Variants in ZFP92 observed in about 807,000 individuals in gnomAD.
ZFP92 encodes the protein zinc finger protein 92 homolog.
In ZFP92, 2 loss-of-function variants were observed where a neutral mutation model predicts 7.6. That is an observed-to-expected ratio of 0.26 (90% confidence interval 0.11 to 0.83). The LOEUF (loss-of-function observed/expected upper bound fraction) is 0.83, where lower values mean the gene tolerates loss of function less well. Ranked by LOEUF, ZFP92 falls within the 40% of genes least tolerant of loss-of-function variation. ZFP92 has a pLI of 0.65. For synonymous variants in ZFP92, 226 were observed against 183.6 expected (o/e 1.23, Z -1.87); for missense variants, 324 against 408.3 (o/e 0.79, Z 1.78).
rs1203410247 is a variant in ZFP92, at chrX:153,424,489, T to G, written c.*2861T>G. 1 of 112,035 alleles carries G rather than the reference T, an allele frequency of 8.9e-6. No individual in the cohort carries two copies. The highest frequency in any genetic ancestry group is 1.9e-5 in the Non-Finnish European group (1 of 53,194). The allele number at this position is 112,035 out of a possible 1,213,427, so 9.2% of individuals were successfully genotyped here. ...CTTCAATGGTGCCTTGAAATTGGGC[T>G]CCCTCCCTCTTGCTGTGTGGGGAAC... On this transcript the variant is annotated 3_prime_UTR_variant, in exon 6 of 6. Transcript: ENST00000338647.
At chrX:153,419,633 C>T (rs1017415969) in intron 4 of ZFP92, among the ~76,000 whole-genome samples, 1 of 112,501 alleles carries the variant, frequency 8.9e-6, no homozygotes, top group South Asian at 3.7e-4. Context: ...TTCCCCTTGC[C>T]GCTGGAGGGG....
chrX:153,416,332 ATG>A (rs1346252075), intron 2 of ZFP92, among the ~76,000 whole-genome samples: 1 of 111,862 alleles, frequency 8.9e-6, no homozygotes, highest in African/African-American at 3.3e-5. Flanking sequence ...GCATTTTGAT[ATG>A]TGATACCCCT....
intron 2 of ZFP92, 38 bp from the exon 3 acceptor site, chrX:153,418,267 G>A: frequency 8.6e-7 from 1 of 1,164,060 alleles, no homozygotes; most frequent in Admixed American, 2.6e-5. Context: ...GCTCCAGGCT[G>A]CCCTGGGCTC....
At chrX:153,418,481 C>T (rs1556974289) in intron 3 of ZFP92, 126 bp downstream of exon 3, 9 of 996,088 alleles carry the variant, frequency 9.0e-6, no homozygotes, top group Admixed American at 6.4e-5. Context: ...TTTCCTGAGG[C>T]GCACAATCTG....
Position 153,421,226 on chromosome X carries a change from G to A in ZFP92, c.849G>A (p.Gln283=), listed in dbSNP as rs1556975047. The A allele has an allele frequency of 8.4e-7, 1 of 1,184,481 alleles. No homozygotes were observed. The highest frequency in any genetic ancestry group is 1.1e-6 in the Non-Finnish European group (1 of 881,932). Residue 283 remains glutamine, a synonymous_variant, in exon 6 of 6, where the codon CAG becomes CAA. Transcript: ENST00000338647. The part of the protein sequence containing the change: ...FSRSSNLIEH[Q]RTHRGEKPYA... ...GCAGCTCCAACCTCATCGAGCACCA[G>A]CGCACGCACCGCGGCGAGAAGCCCT...
rs1556976394 is a variant in ZFP92 at position 153,426,433 on chromosome X, C to T, written c.*4805C>T. 9.0e-6 allele frequency: 1 copy of T among 110,760 alleles called. No individual in the cohort carries two copies. Among genetic ancestry groups the T allele is most frequent in the Non-Finnish European group, 1.9e-5 (1 of 53,000 alleles). 9.1% of individuals were successfully genotyped at this position (110,760 alleles called of 1,213,427 possible). ...CTGTTGATGGACATTTGGGTTGTTA[C>T]CAGGTTTTGGCCATGACAAATAAAG... On this transcript the variant is annotated 3_prime_UTR_variant, in exon 6 of 6. Coordinates refer to ENST00000338647, the MANE Select transcript of ZFP92 (RefSeq NM_001136273.2).
In ZFP92 at chrX:153,424,923, T is replaced by C. The variant is rs2089032846; in HGVS notation, c.*3295T>C. 1 of 112,305 alleles carries C rather than the reference T, an allele frequency of 8.9e-6. No homozygotes were observed. Among genetic ancestry groups the C allele is most frequent in the Admixed American group, 9.4e-5 (1 of 10,669 alleles). The allele number at this position is 112,305 out of a possible 1,213,427, so 9.3% of individuals were successfully genotyped here. A position where few individuals can be genotyped will look rare whatever the true frequency, so the allele number is the denominator to read the frequency against. On this transcript the variant is annotated 3_prime_UTR_variant, in exon 6 of 6. Transcript: ENST00000338647. ...TACAGGAAAGGCTGTAAGCCTGAGA[T>C]TGTGGGGAATGGCCAGAGCTGGGCT...
At chrX:153,418,588 C>T (rs2088974103) in intron 3 of ZFP92, 85 bp from the exon 4 acceptor site, 4 of 1,123,986 alleles carry the variant, frequency 3.6e-6, no homozygotes, top group South Asian at 2.1e-5. Context: ...GGGCTCCCCC[C>T]GCCCCCCACA....
intron 2 of ZFP92, 51 bp from the exon 3 acceptor site, chrX:153,418,254 G>C (rs2088970259): frequency 8.7e-7 from 1 of 1,152,906 alleles, no homozygotes; most frequent in South Asian, 1.9e-5. Flanking sequence ...TCGCAGATTG[G>C]CTGCTCCAGG....
Position 153,421,101 on chromosome X carries a change from G to A in ZFP92, c.724G>A (p.Gly242Ser). 2 of 1,179,976 alleles carry A rather than the reference G, an allele frequency of 1.7e-6. No individual in the cohort carries two copies. The highest frequency in any genetic ancestry group is 1.8e-5 in the African/African-American group (1 of 56,893). ...GERPFACGDC[G>S]KLFRRSFALL... ...GCGGCCCTTCGCCTGCGGCGACTGC[G>A]GCAAACTGTTCCGCCGCAGCTTCGC... Residue 242 changes from glycine (G) to serine (S), a missense_variant, in exon 6 of 6, where the codon GGC becomes AGC. Coordinates refer to ENST00000338647, the MANE Select transcript of ZFP92 (RefSeq NM_001136273.2).
Position 153,426,304 on chromosome X carries a change from C to T in ZFP92, c.*4676C>T, listed in dbSNP as rs182053614. 1.8e-5 allele frequency: 2 copies of T among 111,098 alleles called. No homozygotes were observed. Among genetic ancestry groups the T allele is most frequent in the East Asian group, 5.7e-4 (2 of 3,522 alleles). 9.2% of individuals were successfully genotyped at this position (111,098 alleles called of 1,213,427 possible). A position where few individuals can be genotyped will look rare whatever the true frequency, so the allele number is the denominator to read the frequency against. On this transcript the variant is annotated 3_prime_UTR_variant, in exon 6 of 6. Coordinates refer to ENST00000338647, the MANE Select transcript of ZFP92 (RefSeq NM_001136273.2). ...TATGTCTGGCCTCTTTCACTCAGCACAATTCTTTTTTCATCAGGTGTTTTT... is the reference window on the plus strand; with the variant it reads ...TATGTCTGGCCTCTTTCACTCAGCATAATTCTTTTTTCATCAGGTGTTTTT...
intron 2 of ZFP92, among the ~76,000 whole-genome samples, chrX:153,415,222 G>A (rs1352227146): frequency 8.9e-6 from 1 of 112,794 alleles, no homozygotes; most frequent in East Asian, 2.8e-4. Flanking sequence ...TGGTGGGAGT[G>A]GGGACTTAGC....
chrX:153,418,851 C>G, intron 4 of ZFP92, 52 bp downstream of exon 4: 1 of 1,135,411 alleles, frequency 8.8e-7, no homozygotes, highest in Non-Finnish European at 1.2e-6. Flanking sequence ...TACTCTGTCT[C>G]TGGGCTCAGT....
intron 2 of ZFP92, among the ~76,000 whole-genome samples, chrX:153,413,424 T>TAGGCTAAGG (rs2088925230): frequency 9.3e-6 from 1 of 107,364 alleles, no homozygotes; most frequent in Non-Finnish European, 1.9e-5. Flanking sequence ...GTTCCACCCA[T>TAGGCTAAGG]AGGCTAAGGT....
intron 2 of ZFP92, among the ~76,000 whole-genome samples, chrX:153,413,711 C>T (rs1323801506): frequency 5.4e-5 from 6 of 111,962 alleles, no homozygotes; most frequent in East Asian, 2.8e-4. Flanking sequence ...TCTCTAGTTC[C>T]GCCAGGTGCC....
intron 1 of ZFP92, among the ~76,000 whole-genome samples, 53 bp downstream of exon 1, chrX:153,411,756 G>A (rs1269237332): frequency 8.9e-6 from 1 of 112,708 alleles, no homozygotes; most frequent in African/African-American, 3.2e-5. Flanking sequence ...TAAGGGGCCC[G>A]TCTCGGCAGG....
intron 2 of ZFP92, among the ~76,000 whole-genome samples, chrX:153,412,493 C>A (rs1556973136): frequency 8.9e-6 from 1 of 112,536 alleles, no homozygotes; most frequent in Non-Finnish European, 1.9e-5. Context: ...ATTACAGAGT[C>A]TGTTAAAAGG....
rs983552003 is a variant in ZFP92, at chrX:153,420,708, G to A, written c.331G>A (p.Ala111Thr). ...GCATTCTGGACGACAACTCCCCGGG[G>A]CCGATCCACAAGGTGGCAAGGAGGG... ...QKHSGRQLPG[A>T]DPQGGKEGQA... Residue 111 changes from alanine (A) to threonine (T), a missense_variant, in exon 6 of 6, where the codon GCC becomes ACC. By Grantham distance (58) the Ala-to-Thr change is moderately conservative. Transcript: ENST00000338647. The A allele has an allele frequency of 1.7e-6, 2 of 1,147,976 alleles. No homozygotes were observed. Among genetic ancestry groups the A allele is most frequent in the African/African-American group, 1.8e-5 (1 of 55,894 alleles). The allele number at this position is 1,147,976 out of a possible 1,213,427, so 94.6% of individuals were successfully genotyped here. A position where few individuals can be genotyped will look rare whatever the true frequency, so the allele number is the denominator to read the frequency against.
intron 2 of ZFP92, among the ~76,000 whole-genome samples, chrX:153,416,490 A>C (rs782147166): frequency 1.8e-5 from 2 of 111,572 alleles, no homozygotes; most frequent in African/African-American, 6.5e-5. Flanking sequence ...ATGCCAGGCA[A>C]ATACTGTGGC....
Sources: allele counts gnomAD v4.1 joint callset (sites outside exome capture counted in the v4.1 genomes callset), GRCh38; gene constraint gnomAD v4.1.1; transcripts MANE v1.5; gene names NCBI Gene and HGNC (gene_info 2026-07-23, HGNC 2026-07-21).